Variants in CUBN observed in about 807,000 individuals in gnomAD.
CUBN encodes the protein 460 kDa receptor.
CUBN carries 282 observed loss-of-function variants against 405.3 expected under a neutral mutation model. The observed-to-expected ratio is 0.70, with a 90% CI of 0.63 to 0.77. CUBN has a LOEUF of 0.77. Ranked by LOEUF, CUBN falls within the 30% of genes least tolerant of loss-of-function variation. The probability of loss-of-function intolerance (pLI) is 0.00; values close to 1 mark genes in which losing one functional copy is unlikely to be tolerated. For missense variants in CUBN, 4,514 were observed against 4,475.2 expected (o/e 1.01, Z -0.25); for synonymous variants, 1,684 against 1,617.0 (o/e 1.04, Z -0.99).
chr10:16,844,121 T>C (rs984641376), intron 60 of CUBN, among the ~76,000 whole-genome samples: 10 of 151,822 alleles, frequency 6.6e-5, no homozygotes, highest in African/African-American at 2.4e-4. Context: ...AATACGAAAT[T>C]AGCCAGATGT....
intron 31 of CUBN, among the ~76,000 whole-genome samples, chr10:16,980,997 G>A (rs960949484): frequency 1.2e-4 from 18 of 151,986 alleles, no homozygotes; most frequent in Admixed American, 2.6e-4. Flanking sequence ...AGTAGTGATG[G>A]GCCAGAAGGC....
chr10:16,962,859 G>A (rs79485906), intron 31 of CUBN, among the ~76,000 whole-genome samples: 5,343 of 152,200 alleles, frequency 0.035, 339 homozygotes, highest in African/African-American at 0.12. Flanking sequence ...CCTGACCCAC[G>A]GAAACTGTAA....
intron 17 of CUBN, among the ~76,000 whole-genome samples, chr10:17,078,089 C>T (rs145076440): frequency 2.6e-4 from 40 of 152,170 alleles, no homozygotes; most frequent in African/African-American, 9.4e-4. Flanking sequence ...TCATCATCAT[C>T]GTCATTATCA....
intron 19 of CUBN, 121 bp downstream of exon 19, chr10:17,071,305 A>G (rs1195398560): frequency 3.0e-6 from 3 of 993,422 alleles, no homozygotes; most frequent in Admixed American, 2.0e-5. Context: ...ATATGTATCC[A>G]TAAGACATAT....
chr10:17,104,367 G>T (rs1416368637), intron 12 of CUBN, 52 bp downstream of exon 12: 2 of 1,561,322 alleles, frequency 1.3e-6, no homozygotes, highest in Non-Finnish European at 1.8e-6. Flanking sequence ...CTCACTAAAG[G>T]ATGCTGCTGC....
chr10:17,129,298 T>G, intron 1 of CUBN, 48 bp from the exon 2 acceptor site: 1 of 1,597,244 alleles, frequency 6.3e-7, no homozygotes, highest in South Asian at 1.1e-5. Flanking sequence ...CAAGTACAAT[T>G]TTTAAACCAA....
intron 17 of CUBN, among the ~76,000 whole-genome samples, chr10:17,073,067 C>A (rs1276072628): frequency 2.0e-5 from 3 of 152,088 alleles, no homozygotes; most frequent in African/African-American, 7.2e-5. Flanking sequence ...TTATTCTAAG[C>A]CATCCTCAAA....
chr10:16,878,325 G>C (rs2131379750), intron 56 of CUBN, among the ~76,000 whole-genome samples: 1 of 151,990 alleles, frequency 6.6e-6, no homozygotes, highest in African/African-American at 2.4e-5. Flanking sequence ...GAAAGGAAAG[G>C]AAAAAAACCA....
chr10:17,065,994 G>GTCA (rs1195128602), intron 21 of CUBN, among the ~76,000 whole-genome samples: 1 of 152,138 alleles, frequency 6.6e-6, no homozygotes, highest in Non-Finnish European at 1.5e-5. Flanking sequence ...AAATCATAGA[G>GTCA]TCATCTCTCT....
intron 26 of CUBN, among the ~76,000 whole-genome samples, chr10:17,041,597 C>T (rs761815351): frequency 7.9e-5 from 12 of 151,784 alleles, no homozygotes; most frequent in Non-Finnish European, 1.8e-4. Flanking sequence ...GAAGCGCATT[C>T]GACGTTCTGT....
At position 17,075,005 on chromosome 10, in the gene CUBN, T is replaced by C. The variant is rs542958521; in HGVS notation, c.2302-3034A>G. ...TGGAAATAACATTTAAGCGGAGACT[T>C]GAAAGCTGAGTAGGAGTTATCTAGG... On this transcript the variant is annotated intron_variant, in intron 17 of 66. Transcript: ENST00000377833. Among the ~76,000 whole-genome samples the C allele has an allele frequency of 5.9e-5, 9 of 151,522 alleles. No homozygotes were observed. The South Asian group carries it at 1.9e-3, about 32-fold the overall frequency.
intron 21 of CUBN, among the ~76,000 whole-genome samples, chr10:17,066,157 A>C (rs1263601545): frequency 6.6e-6 from 1 of 152,166 alleles, no homozygotes; most frequent in Non-Finnish European, 1.5e-5. Context: ...CTACAATCGT[A>C]ACCCCTATAG....
Position 17,045,983 on chromosome 10 carries a change from T to C in CUBN, c.3441A>G (p.Gln1147=), listed in dbSNP as rs779803727. 1 of 1,614,036 alleles carries C rather than the reference T, an allele frequency of 6.2e-7. No individual in the cohort carries two copies. The change falls in exon 24 of 67, where the codon CAA becomes CAG. Residue 1147 remains glutamine (Q), a synonymous_variant. Transcript: ENST00000377833. ...CTGAGAATCCAGACCTTGTGTCTAT[T>C]TGGTCACTCTTAAATTTTAACCATA... is the stretch of plus-strand genomic sequence containing the variant. ...NKLWLKFKSD[Q]IDTRSGFSAY... is the part of the protein sequence containing the mutation.
chr10:17,025,761 G>A (rs1204316050), intron 27 of CUBN, among the ~76,000 whole-genome samples: 7 of 152,148 alleles, frequency 4.6e-5, no homozygotes, highest in South Asian at 2.1e-4. Context: ...GGAGGTGGAG[G>A]CCAATCCTCG....
chr10:17,074,350 C>T (rs866793719), intron 17 of CUBN, among the ~76,000 whole-genome samples: 15 of 152,026 alleles, frequency 9.9e-5, no homozygotes, highest in African/African-American at 3.1e-4. Context: ...ATTATCACAG[C>T]AATCATGGGG....
chr10:16,833,353 A>G (rs1360581753), intron 64 of CUBN, among the ~76,000 whole-genome samples: 1 of 152,148 alleles, frequency 6.6e-6, no homozygotes, highest in Non-Finnish European at 1.5e-5. Context: ...TGCTATATAC[A>G]TCTTTCGGTC....
At chr10:17,015,886 A>G (rs537913647) in intron 28 of CUBN, among the ~76,000 whole-genome samples, 11 of 152,212 alleles carry the variant, frequency 7.2e-5, no homozygotes, top group African/African-American at 2.6e-4. Context: ...TCCTTTCTGA[A>G]CCACCAAGGT....
At chr10:16,890,100 T>A (rs1372158843) in intron 55 of CUBN, among the ~76,000 whole-genome samples, 17 of 152,118 alleles carry the variant, frequency 1.1e-4, no homozygotes, top group Non-Finnish European at 1.8e-4. Context: ...GAACTAGCCA[T>A]CTGCGCTTCT....
chr10:16,919,973 C>T lies in CUBN; in HGVS notation c.6811G>A (p.Val2271Ile), dbSNP rs1841986877. 6.2e-7 allele frequency: 1 copy of T among 1,613,026 alleles called. No individual in the cohort carries two copies. The highest frequency in any genetic ancestry group is 8.5e-7 in the Non-Finnish European group (1 of 1,179,910). ...ATGGAAGTGACATACTTGGGTGTTA[C>T]TTCAATATCGAATCGATCTTCAAAT... ...LQFEDRFDIE[V>I]TPNCTSNYLE... The change falls in exon 44 of 67, where the codon GTA (valine) becomes ATA (isoleucine). Residue 2271 changes from valine to isoleucine, a missense_variant. Coordinates refer to ENST00000377833, the MANE Select transcript of CUBN (RefSeq NM_001081.4).
Sources: gnomAD v4.1 joint callset for allele counts (sites outside exome capture counted in the v4.1 genomes callset) on GRCh38, gnomAD v4.1.1 for gene constraint, MANE v1.5 for transcripts, NCBI Gene and HGNC (gene_info 2026-07-23, HGNC 2026-07-21) for gene names.